Variants in ACTR3C observed in about 807,000 individuals in gnomAD.
The protein encoded by ACTR3C is actin related protein 3C.
Under a neutral mutation model 26.3 loss-of-function variants are expected in ACTR3C, and 18 were observed. That is an observed-to-expected ratio of 0.68 (90% confidence interval 0.47 to 1.01). ACTR3C has a LOEUF of 1.01. ACTR3C is among the 50% of genes least tolerant of loss of function. ACTR3C has a pLI of 0.00. For synonymous variants in ACTR3C, 55 were observed against 94.5 expected, an observed-to-expected ratio of 0.58 and a Z score of 2.42; for missense variants, 184 against 250.7, an observed-to-expected ratio of 0.73 and a Z score of 1.80.
the ACTR3C span, among the ~76,000 whole-genome samples, chr7:149,961,016 AG>A: frequency 1.3e-5 from 2 of 152,090 alleles, no homozygotes; most frequent in African/African-American, 4.8e-5. Flanking sequence ...GCTCACAGGA[AG>A]TGCACTGAGA....
At chr7:150,198,541 G>A in the ACTR3C span, among the ~76,000 whole-genome samples, 21 of 144,702 alleles carry the variant, frequency 1.5e-4, no homozygotes, top group African/African-American at 5.7e-4. Flanking sequence ...CCGAGACCCA[G>A]TCTGGGAGGT....
chr7:150,052,852 C>T, the ACTR3C span, among the ~76,000 whole-genome samples: 9 of 106,842 alleles, frequency 8.4e-5, no homozygotes, highest in East Asian at 2.5e-3. Context: ...TAACCATAAT[C>T]GACTCTTCTC....
At chr7:150,064,589 A>G in the ACTR3C span, among the ~76,000 whole-genome samples, 1 of 150,978 alleles carries the variant, frequency 6.6e-6, no homozygotes, top group Non-Finnish European at 1.5e-5. Context: ...AGTAGAGAAA[A>G]GCAGGCAATT....
At chr7:150,101,656 C>G in the ACTR3C span, among the ~76,000 whole-genome samples, 3 of 151,888 alleles carry the variant, frequency 2.0e-5, no homozygotes, top group African/African-American at 7.3e-5. Context: ...TGGAAGGAAT[C>G]AGTCATCGGC....
the ACTR3C span, among the ~76,000 whole-genome samples, chr7:149,921,355 G>A: frequency 2.0e-5 from 3 of 152,066 alleles, no homozygotes; most frequent in Non-Finnish European, 2.9e-5. Context: ...ATTTCAGGAA[G>A]TTGATCCTCA....
the ACTR3C span, among the ~76,000 whole-genome samples, chr7:150,157,494 G>A: frequency 6.6e-6 from 1 of 151,712 alleles, no homozygotes; most frequent in Non-Finnish European, 1.5e-5. Flanking sequence ...GGGCAACTTC[G>A]TGGAGCTCAT....
chr7:150,194,340 T>A, the ACTR3C span, among the ~76,000 whole-genome samples: 1 of 148,180 alleles, frequency 6.7e-6, no homozygotes, highest in East Asian at 1.9e-4. Context: ...AGAAAAATTA[T>A]CAGAGGCAAA....
At chr7:150,131,380 A>G in the ACTR3C span, among the ~76,000 whole-genome samples, 2 of 151,814 alleles carry the variant, frequency 1.3e-5, no homozygotes, top group African/African-American at 4.8e-5. Context: ...GCTTAAAAGC[A>G]AAGAAAGTAA....
the ACTR3C span, among the ~76,000 whole-genome samples, chr7:149,900,743 A>G: frequency 2.0e-5 from 3 of 152,202 alleles, no homozygotes; most frequent in Non-Finnish European, 4.4e-5. Context: ...AGACAATTAT[A>G]TTAGAAATGG....
At chr7:150,288,595 T>C (rs1835965160) in intron 4 of ACTR3C, among the ~76,000 whole-genome samples, 1 of 147,646 alleles carries the variant, frequency 6.8e-6, no homozygotes, top group Non-Finnish European at 1.5e-5. Context: ...CAAGGGAGCT[T>C]GGATCAAATA....
At chr7:150,193,993 C>G in the ACTR3C span, among the ~76,000 whole-genome samples, 1 of 110,658 alleles carries the variant, frequency 9.0e-6, no homozygotes, top group Non-Finnish European at 1.8e-5. Flanking sequence ...CACACACAGA[C>G]ACACACACAC....
intron 6 of ACTR3C, among the ~76,000 whole-genome samples, chr7:150,263,296 G>T (rs572471133): frequency 0.015 from 2,252 of 152,202 alleles, 12 homozygotes; most frequent in Non-Finnish European, 0.024. Context: ...CTTATCTGGA[G>T]ACCTCATATT....
At chr7:150,284,387 C>CA (rs1835590668) in intron 6 of ACTR3C, among the ~76,000 whole-genome samples, 1 of 151,994 alleles carries the variant, frequency 6.6e-6, no homozygotes, top group Non-Finnish European at 1.5e-5. Flanking sequence ...CTGAAACACA[C>CA]ACAAAAAAAT....
the ACTR3C span, among the ~76,000 whole-genome samples, chr7:149,957,632 C>A: frequency 6.6e-6 from 1 of 152,088 alleles, no homozygotes; most frequent in South Asian, 2.1e-4. Context: ...CCTTCAGGTT[C>A]CCTGGTTCTG....
chr7:150,048,583 G>A, the ACTR3C span, among the ~76,000 whole-genome samples: 2 of 151,974 alleles, frequency 1.3e-5, no homozygotes, highest in Non-Finnish European at 2.9e-5. Flanking sequence ...GCAAGGGGAT[G>A]CGGAGGTCGA....
At chr7:149,926,026 G>C in the ACTR3C span, among the ~76,000 whole-genome samples, 4 of 152,012 alleles carry the variant, frequency 2.6e-5, no homozygotes, top group African/African-American at 9.7e-5. Context: ...CTGTGCCGCC[G>C]CACTCTAGCA....
the ACTR3C span, among the ~76,000 whole-genome samples, chr7:150,063,727 G>T: frequency 6.6e-6 from 1 of 151,936 alleles, no homozygotes; most frequent in Admixed American, 6.5e-5. Flanking sequence ...TTTTGCCTTG[G>T]GATAGAGTTT....
chr7:149,899,958 C>T, the ACTR3C span, among the ~76,000 whole-genome samples: 1 of 81,892 alleles, frequency 1.2e-5, no homozygotes, highest in Non-Finnish European at 3.2e-5. Context: ...TCTTGACACA[C>T]ACACACCAAA....
At chr7:150,080,629 T>G in the ACTR3C span, among the ~76,000 whole-genome samples, 1 of 151,508 alleles carries the variant, frequency 6.6e-6, no homozygotes, top group South Asian at 2.1e-4. Context: ...CAGAGTCTGG[T>G]CAGCAAGAGA....
Sources: gnomAD v4.1 joint callset for allele counts (sites outside exome capture counted in the v4.1 genomes callset) on GRCh38, gnomAD v4.1.1 for gene constraint, MANE v1.5 for transcripts, NCBI Gene and HGNC (gene_info 2026-07-23, HGNC 2026-07-21) for gene names.